Variants in AGGF1 observed in about 807,000 individuals in gnomAD.
The protein encoded by AGGF1 is angiogenic factor with G patch and FHA domains 1.
Under a neutral mutation model 86.5 loss-of-function variants are expected in AGGF1, and 56 were observed. The observed-to-expected ratio is 0.65, with a 90% CI of 0.52 to 0.81. The LOEUF (loss-of-function observed/expected upper bound fraction) is 0.81. AGGF1 is among the 30% of genes least tolerant of loss of function. AGGF1 has a pLI of 0.00. For synonymous variants in AGGF1, 313 were observed against 297.1 expected, an observed-to-expected ratio of 1.05 and a Z score of -0.55; for missense variants, 816 against 850.9, an observed-to-expected ratio of 0.96 and a Z score of 0.51.
Position 77,064,610 on chromosome 5 carries a change from A to G in AGGF1, c.*1358A>G, listed in dbSNP as rs969025701. ...AGGACAATCAGGCCCTAAACTCCAAATTTGGATAAAATATCTCTTTGCATT... is the reference window on the plus strand; with the variant it reads ...AGGACAATCAGGCCCTAAACTCCAAGTTTGGATAAAATATCTCTTTGCATT... On this transcript the variant is annotated 3_prime_UTR_variant, in exon 14 of 14. Coordinates refer to ENST00000312916, the MANE Select transcript of AGGF1 (RefSeq NM_018046.5). The G allele has an allele frequency of 6.6e-6, 1 of 152,212 alleles. No homozygotes were observed. Among genetic ancestry groups the G allele is most frequent in the African/African-American group, 2.4e-5 (1 of 41,462 alleles). The allele number at this position is 152,212 out of a possible 1,614,324, so 9.4% of individuals were successfully genotyped here. A position where few individuals can be genotyped will look rare whatever the true frequency, so the allele number is the denominator to read the frequency against.
At chr5:77,038,374 A>G (rs1326080886) in intron 4 of AGGF1, among the ~76,000 whole-genome samples, 2 of 152,226 alleles carry the variant, frequency 1.3e-5, no homozygotes, top group African/African-American at 2.4e-5. Flanking sequence ...GTTGTTTTGT[A>G]AATGGTTAGT....
At chr5:77,044,242 A>T (rs1747202116) in intron 5 of AGGF1, among the ~76,000 whole-genome samples, 1 of 151,568 alleles carries the variant, frequency 6.6e-6, no homozygotes, top group Non-Finnish European at 1.5e-5. Context: ...TGGGAGGTGT[A>T]GGTTGTAGTG....
At chr5:77,055,747 C>A in intron 11 of AGGF1, 151 bp downstream of exon 11, 1 of 577,930 alleles carries the variant, frequency 1.7e-6, no homozygotes, top group Non-Finnish European at 3.1e-6. Context: ...GTATTCATAA[C>A]CTAAAAACTA....
chr5:77,039,628 C>A lies in AGGF1; in HGVS notation c.779C>A (p.Pro260His). ...YQFHSRVDLQ[P>H]YPTSSTKQSK... ...TTTCATTCTCGAGTAGATTTGCAAC[C>A]TTATCCGACTTCTAGCACAAAACAA... Residue 260 changes from proline (P) to histidine (H), a missense_variant, in exon 5 of 14, where the codon CCT (proline) becomes CAT (histidine). Physicochemically the swap from Pro to His is moderately conservative, Grantham distance 77. Coordinates refer to ENST00000312916, the MANE Select transcript of AGGF1 (RefSeq NM_018046.5). 2 of 1,613,110 alleles carry A rather than the reference C, an allele frequency of 1.2e-6. No homozygotes were observed. Among genetic ancestry groups the A allele is most frequent in the Non-Finnish European group, 1.7e-6 (2 of 1,179,476 alleles).
rs139177064 is a variant in AGGF1 at position 77,045,756 on chromosome 5, C to T, written c.871-591C>T. Among the ~76,000 whole-genome samples the T allele has an allele frequency of 3.4e-3, 515 of 152,298 alleles. 4 individuals are homozygous for T. The highest frequency in any genetic ancestry group is 0.012 in the African/African-American group (486 of 41,550). On this transcript the variant is annotated intron_variant, in intron 5 of 13. Coordinates refer to ENST00000312916, the MANE Select transcript of AGGF1 (RefSeq NM_018046.5). ...AAAAAGAAAATTTAGAATAGGTATT[C>T]TTTAGGCCTGCACTATCCAGTAAGG...
intron 5 of AGGF1, among the ~76,000 whole-genome samples, chr5:77,042,586 A>ACCC (rs1265465953): frequency 3.1e-4 from 7 of 22,380 alleles, no homozygotes; most frequent in African/African-American, 1.1e-3. Context: ...GGGGGGGCTG[A>ACCC]CCCCCCCCCA....
In AGGF1 at chr5:77,030,981, G is replaced by T. The variant is rs745324386; in HGVS notation, c.210+5G>T. ...AACCAGGAGCTCCGCACGCAGGTGC[G>T]CGGTCCTCCTCAGCCCCGCGCCCCA... is the stretch of plus-strand genomic sequence containing the variant. On this transcript the variant is annotated splice_donor_5th_base_variant and intron_variant, in intron 1 of 13. Coordinates refer to ENST00000312916, the MANE Select transcript of AGGF1 (RefSeq NM_018046.5). 6.2e-7 allele frequency: 1 copy of T among 1,611,434 alleles called. No individual in the cohort carries two copies. Among genetic ancestry groups the T allele is most frequent in the Admixed American group, 1.7e-5 (1 of 60,014 alleles).
At position 77,064,062 on chromosome 5, in the gene AGGF1, C is replaced by A. The variant is rs1742735712; in HGVS notation, c.*810C>A. The A allele has an allele frequency of 2.0e-5, 3 of 152,590 alleles. No individual in the cohort carries two copies. The highest frequency in any genetic ancestry group is 2.0e-4 in the Admixed American group (3 of 15,272). 9.5% of individuals were successfully genotyped at this position (152,590 alleles called of 1,614,324 possible). On this transcript the variant is annotated 3_prime_UTR_variant, in exon 14 of 14. Transcript: ENST00000312916. ...AGCTCAAGATACTTATTGAAAACAT[C>A]CTCAATTGCAATAAAAACATTATAA... is the stretch of plus-strand genomic sequence containing the variant.
At chr5:77,045,689 C>T (rs1747234915) in intron 5 of AGGF1, among the ~76,000 whole-genome samples, 1 of 152,100 alleles carries the variant, frequency 6.6e-6, no homozygotes, top group African/African-American at 2.4e-5. Context: ...AAAGCTAATT[C>T]TGTATTTTAT....
chr5:77,032,252 TAA>T lies in AGGF1; in HGVS notation c.210+1297_210+1298del, dbSNP rs35068401. Among the ~76,000 whole-genome samples the T allele has an allele frequency of 1.6e-3, 168 of 107,870 alleles. 1 individual carries two copies. Among genetic ancestry groups the T allele is most frequent in the Middle Eastern group, 6.0e-3 (1 of 168 alleles). The allele number at this position is 107,870 out of a possible 152,430, so 70.8% of individuals were successfully genotyped here. ...CTATGCTAGGAAAATACAAATATGGTAAAAAAAAAAAAAAAAAAAAAACAGGG... is the reference window on the plus strand; with the variant it reads ...CTATGCTAGGAAAATACAAATATGGTAAAAAAAAAAAAAAAAAAAACAGGG... On this transcript the variant is annotated intron_variant, in intron 1 of 13. Transcript: ENST00000312916.
intron 5 of AGGF1, among the ~76,000 whole-genome samples, chr5:77,041,303 A>G (rs541873900): frequency 1.3e-5 from 2 of 152,272 alleles, no homozygotes; most frequent in African/African-American, 4.8e-5. Context: ...GTGATGGCTT[A>G]TGCCTGTAAT....
chr5:77,062,037 GAA>G (rs1475252662), intron 13 of AGGF1, among the ~76,000 whole-genome samples: 1 of 152,150 alleles, frequency 6.6e-6, no homozygotes, highest in Non-Finnish European at 1.5e-5. Context: ...GCTAGGGTGA[GAA>G]GTGCTGTTTC....
rs767471368 is a variant in AGGF1 at position 77,055,537 on chromosome 5, G to A, written c.1657G>A (p.Glu553Lys). 1.1e-5 allele frequency: 18 copies of A among 1,604,332 alleles called. No homozygotes were observed. The African/African-American group carries it at 2.3e-4, about 20-fold the overall frequency. Residue 553 changes from glutamate (E) to lysine (K), a missense_variant, in exon 11 of 14, where the codon GAA becomes AAA. Coordinates refer to ENST00000312916, the MANE Select transcript of AGGF1 (RefSeq NM_018046.5). Reference protein sequence around the residue: ...SFVGPTLSKEEKELERRKELK... With the variant: ...SFVGPTLSKEKKELERRKELK... The stretch of plus-strand genomic sequence containing the variant: ...AGTTGGTCCAACACTAAGTAAGGAG[G>A]AAAAAGAGTTGGAAAGAAGAAAAGA...
chr5:77,031,154 C>G (rs537352815), intron 1 of AGGF1, among the ~76,000 whole-genome samples, 178 bp downstream of exon 1: 1 of 152,342 alleles, frequency 6.6e-6, no homozygotes, highest in Admixed American at 6.5e-5. Flanking sequence ...AACCTGAGTT[C>G]AGGTTACTTG....
rs1561285670 is a variant in AGGF1, at chr5:77,041,804, T to TAAA, written c.870+2086_870+2087insAAA. Among the ~76,000 whole-genome samples, 15 of 115,272 alleles carry TAAA rather than the reference T, an allele frequency of 1.3e-4. 1 individual carries two copies. The highest frequency in any genetic ancestry group is 2.4e-4 in the Non-Finnish European group (13 of 55,164). 75.6% of individuals were successfully genotyped at this position (115,272 alleles called of 152,430 possible). A position where few individuals can be genotyped will look rare whatever the true frequency, so the allele number is the denominator to read the frequency against. On this transcript the variant is annotated intron_variant, in intron 5 of 13. Transcript: ENST00000312916. ...AACTTTTTTTATTTATTTATTTATT[T>TAAA]ATTTATTTATTTTTAATTTATTTTT...
Position 77,063,061 on chromosome 5 carries a change from C to T in AGGF1, c.1954C>T (p.Gln652Ter), listed in dbSNP as rs377179930. 2 of 1,614,070 alleles carry T rather than the reference C, an allele frequency of 1.2e-6. No individual in the cohort carries two copies. The highest frequency in any genetic ancestry group is 1.7e-6 in the Non-Finnish European group (2 of 1,179,982). ...GGGMKTPIQL[Q>*]LRRTHAGLGT... ...CAACTTTTGGTAACAGATCCAGCTT[C>T]AGCTTCGGCGAACACATGCAGGCTT... The change falls in exon 14 of 14, where the codon CAG becomes TAG. Residue 652 changes from glutamine (Q) to a stop codon, truncating the protein, a stop_gained. Coordinates refer to ENST00000312916, the MANE Select transcript of AGGF1 (RefSeq NM_018046.5). LOFTEE classifies it high-confidence loss of function.
In AGGF1 at chr5:77,032,507, T is replaced by C. The variant is rs924732424; in HGVS notation, c.210+1531T>C. Among the ~76,000 whole-genome samples the C allele has an allele frequency of 1.5e-4, 20 of 135,704 alleles. No homozygotes were observed. The Admixed American group carries it at 1.5e-3, about 10-fold the overall frequency. 89.0% of individuals were successfully genotyped at this position (135,704 alleles called of 152,430 possible). A position where few individuals can be genotyped will look rare whatever the true frequency, so the allele number is the denominator to read the frequency against. ...TGAACCCGGGAGGCGGAGCTTGCAG[T>C]GAGCCGAGATTGCGCCACTGCACTC... On this transcript the variant is annotated intron_variant, in intron 1 of 13. Coordinates refer to ENST00000312916, the MANE Select transcript of AGGF1 (RefSeq NM_018046.5).
intron 2 of AGGF1, 105 bp downstream of exon 2, chr5:77,034,625 A>T: frequency 1.2e-6 from 1 of 824,008 alleles, no homozygotes; most frequent in Non-Finnish European, 2.1e-6. Flanking sequence ...GTAAATGAGA[A>T]TTGTTAATAC....
At chr5:77,049,504 A>C (rs2150732486) in intron 8 of AGGF1, among the ~76,000 whole-genome samples, 1 of 152,202 alleles carries the variant, frequency 6.6e-6, no homozygotes, top group East Asian at 1.9e-4. Context: ...TATAAGTAGA[A>C]AACAACTAAA....
Sources: gnomAD v4.1 joint callset for allele counts (sites outside exome capture counted in the v4.1 genomes callset) on GRCh38, gnomAD v4.1.1 for gene constraint, MANE v1.5 for transcripts, NCBI Gene and HGNC (gene_info 2026-07-23, HGNC 2026-07-21) for gene names.